Variants in SLC25A25 observed in about 807,000 individuals in gnomAD.
The protein encoded by SLC25A25 is solute carrier family 25 member 25.
A neutral mutation model predicts 57.7 loss-of-function variants in SLC25A25; 32 were observed. That is an observed-to-expected ratio of 0.55 (90% confidence interval 0.42 to 0.74). The LOEUF (loss-of-function observed/expected upper bound fraction) is 0.74, where lower values mean the gene tolerates loss of function less well. Ranked by LOEUF, SLC25A25 falls within the 30% of genes least tolerant of loss-of-function variation. The pLI, the probability that SLC25A25 is intolerant of heterozygous loss-of-function variation, is 0.00. For missense variants in SLC25A25, 556 were observed against 701.3 expected (o/e 0.79, Z 2.34); for synonymous variants, 306 against 291.2 (o/e 1.05, Z -0.52).
In SLC25A25 at chr9:128,099,881, T is replaced by C. The variant is rs139913692; in HGVS notation, c.262-1215T>C. ...CTGGCTGTCAGTTGATTTCTCCCAG[T>C]GAGAAATCCGGAGGACACAGGAAGA... On this transcript the variant is annotated intron_variant, in intron 1 of 10. Transcript: ENST00000373069. The surrounding 1 kb of genome is among the most constrained non-coding windows in gnomAD (Gnocchi z 6.8). Among the ~76,000 whole-genome samples the C allele has an allele frequency of 0.019, 2,835 of 152,202 alleles. 181 individuals are homozygous for C. Among genetic ancestry groups the C allele is most frequent in the Admixed American group, 0.13 (1,959 of 15,292 alleles).
intron 1 of SLC25A25, among the ~76,000 whole-genome samples, chr9:128,070,084 A>ATTTTT (rs71381724): frequency 0.016 from 99 of 6,366 alleles, 45 homozygotes; most frequent in East Asian, 0.042. Flanking sequence ...CACCCAGCTA[A>ATTTTT]TTTTTTTTTT....
In SLC25A25 at chr9:128,099,320, CAGA is replaced by C; in HGVS notation, c.262-1773_262-1771del. On this transcript the variant is annotated intron_variant, in intron 1 of 10. Transcript: ENST00000373069. The surrounding 1 kb of genome is among the most constrained non-coding windows in gnomAD (Gnocchi z 6.8). ...GGATTTGCAGATCCAAGGAAGGAGACAGAAGGAGGCCCAGGCCCTGTGAGGCAG... is the reference window on the plus strand; with the variant it reads ...GGATTTGCAGATCCAAGGAAGGAGACAGGAGGCCCAGGCCCTGTGAGGCAG... 2 of 1,271,764 alleles carry C rather than the reference CAGA, an allele frequency of 1.6e-6. No individual in the cohort carries two copies. The highest frequency in any genetic ancestry group is 2.0e-6 in the Non-Finnish European group (2 of 981,966). The allele number at this position is 1,271,764 out of a possible 1,614,324, so 78.8% of individuals were successfully genotyped here. A position where few individuals can be genotyped will look rare whatever the true frequency, so the allele number is the denominator to read the frequency against.
chr9:128,070,175 C>T (rs561328192), intron 1 of SLC25A25, among the ~76,000 whole-genome samples: 1 of 140,502 alleles, frequency 7.1e-6, no homozygotes, highest in East Asian at 2.4e-4. Context: ...ACTGCAAGCT[C>T]CGCCTCCGGG....
In SLC25A25 at chr9:128,103,528, A is replaced by G. The variant is rs1322566235; in HGVS notation, c.625-153A>G. Among the ~76,000 whole-genome samples the G allele has an allele frequency of 6.6e-6, 1 of 152,176 alleles. No individual in the cohort carries two copies. The highest frequency in any genetic ancestry group is 1.5e-5 in the Non-Finnish European group (1 of 68,024). ...GCTCTGCTACCTTCAGAGTGAAGGGAAAGACCCCAGCCCGCTTCCCACCCA... is the reference window on the plus strand; with the variant it reads ...GCTCTGCTACCTTCAGAGTGAAGGGGAAGACCCCAGCCCGCTTCCCACCCA... On this transcript the variant is annotated intron_variant, in intron 5 of 10. Transcript: ENST00000373069. This position sits in a 1 kb window ranked among gnomAD's most constrained non-coding sequence, Gnocchi z 6.7.
chr9:128,092,392 T>C (rs1833435294), intron 1 of SLC25A25, among the ~76,000 whole-genome samples: 1 of 152,172 alleles, frequency 6.6e-6, no homozygotes, highest in South Asian at 2.1e-4. Flanking sequence ...AGGGGCAGCC[T>C]GTGAAAGTGT....
chr9:128,070,239 C>T (rs1462929981), intron 1 of SLC25A25, among the ~76,000 whole-genome samples: 7 of 151,686 alleles, frequency 4.6e-5, no homozygotes, highest in Non-Finnish European at 8.8e-5. Flanking sequence ...TACAGGTGCC[C>T]GCCACCATGC....
chr9:128,082,469 T>C (rs905761741), intron 1 of SLC25A25, among the ~76,000 whole-genome samples: 5 of 152,110 alleles, frequency 3.3e-5, no homozygotes, highest in Non-Finnish European at 7.4e-5. Flanking sequence ...CGTTGGCTGA[T>C]TGGTTCATTC....
At chr9:128,072,263 A>G (rs1480166041) in intron 1 of SLC25A25, among the ~76,000 whole-genome samples, 3 of 152,210 alleles carry the variant, frequency 2.0e-5, no homozygotes, top group Admixed American at 6.5e-5. Flanking sequence ...GCCTACAGAA[A>G]AAGCAGTGCT....
chr9:128,077,318 G>A (rs1018119744), intron 1 of SLC25A25, among the ~76,000 whole-genome samples: 4 of 151,728 alleles, frequency 2.6e-5, no homozygotes, highest in African/African-American at 9.7e-5. Flanking sequence ...ACGAGGTCAG[G>A]GGATCGATAC....
chr9:128,077,358 A>G (rs1313465123), intron 1 of SLC25A25, among the ~76,000 whole-genome samples: 1 of 151,620 alleles, frequency 6.6e-6, no homozygotes, highest in Non-Finnish European at 1.5e-5. Flanking sequence ...TACTAAAAAT[A>G]CAAAAAAAAT....
rs1002693356 is a variant in SLC25A25, at chr9:128,100,991, T to C, written c.262-105T>C. 10 of 1,507,212 alleles carry C rather than the reference T, an allele frequency of 6.6e-6. No individual in the cohort carries two copies. The East Asian group carries it at 2.3e-4, about 35-fold the overall frequency. 93.4% of individuals were successfully genotyped at this position (1,507,212 alleles called of 1,614,324 possible). A position where few individuals can be genotyped will look rare whatever the true frequency, so the allele number is the denominator to read the frequency against. ...AGCATCTTGGGTCCTTGGGGCCAGC[T>C]CTGCTCGCAATTAGTGAAGTCATTG... On this transcript the variant is annotated intron_variant, in intron 1 of 10. Coordinates refer to ENST00000373069, the MANE Select transcript of SLC25A25 (RefSeq NM_001330988.2).
intron 1 of SLC25A25, among the ~76,000 whole-genome samples, chr9:128,080,260 A>ACC (rs1833123000): frequency 6.9e-6 from 1 of 144,754 alleles, no homozygotes; most frequent in Non-Finnish European, 1.5e-5. Context: ...CAAAAAAAAA[A>ACC]CCCACAAAAA....
intron 1 of SLC25A25, chr9:128,098,505 G>T: frequency 6.4e-7 from 1 of 1,554,222 alleles, no homozygotes; most frequent in Admixed American, 1.9e-5. Context: ...CCCGGGACCG[G>T]CAGCATTTAG....
At chr9:128,091,529 T>C (rs1374027308) in intron 1 of SLC25A25, 1 of 994,276 alleles carries the variant, frequency 1.0e-6, no homozygotes, top group Admixed American at 6.1e-5. Flanking sequence ...TCTGCTTGGC[T>C]GTCGCGTTTT....
intron 1 of SLC25A25, among the ~76,000 whole-genome samples, chr9:128,097,012 ATGT>A (rs1408463766): frequency 4.6e-5 from 7 of 152,230 alleles, no homozygotes; most frequent in Non-Finnish European, 2.9e-5. Context: ...CTGTTTCATA[ATGT>A]TGTGTGTAAG....
Position 128,107,515 on chromosome 9 carries a change from T to C in SLC25A25, c.*71T>C. On this transcript the variant is annotated 3_prime_UTR_variant, in exon 11 of 11. Coordinates refer to ENST00000373069, the MANE Select transcript of SLC25A25 (RefSeq NM_001330988.2). ...AGCCTGGGGTGTGCAGCCATCTCAT[T>C]CTGTGAATGTGCCAACACTAAGCTG... The C allele has an allele frequency of 4.8e-6, 7 of 1,470,594 alleles. No homozygotes were observed. In the Admixed American group the frequency reaches 1.7e-4, roughly 35 times the overall value. The allele number at this position is 1,470,594 out of a possible 1,614,324, so 91.1% of individuals were successfully genotyped here.
At position 128,102,677 on chromosome 9, in the gene SLC25A25, A is replaced by G. The variant is rs1588787562; in HGVS notation, c.624+196A>G. Among the ~76,000 whole-genome samples, 2 of 152,188 alleles carry G rather than the reference A, an allele frequency of 1.3e-5. No homozygotes were observed. The highest frequency in any genetic ancestry group is 1.3e-4 in the Admixed American group (2 of 15,286). ...TTCTGGCACTCCAGCCAACCTGAAC[A>G]GCCCCATCGTTCACACACACAGGCT... On this transcript the variant is annotated intron_variant, in intron 5 of 10. Coordinates refer to ENST00000373069, the MANE Select transcript of SLC25A25 (RefSeq NM_001330988.2). The surrounding 1 kb of genome is among the most constrained non-coding windows in gnomAD (Gnocchi z 4.1).
intron 1 of SLC25A25, among the ~76,000 whole-genome samples, chr9:128,073,101 G>C (rs1832940304): frequency 6.6e-6 from 1 of 152,120 alleles, no homozygotes; most frequent in East Asian, 1.9e-4. Flanking sequence ...TACTAGGGAA[G>C]GAACAATGGT....
At chr9:128,097,372 AGTGACTATGC>A (rs1285801795) in intron 1 of SLC25A25, among the ~76,000 whole-genome samples, 1 of 152,258 alleles carries the variant, frequency 6.6e-6, no homozygotes, top group Non-Finnish European at 1.5e-5. Context: ...AGAAATGCCC[AGTGACTATGC>A]GTGGCTATCC....
Sources: gnomAD v4.1 joint callset for allele counts (sites outside exome capture counted in the v4.1 genomes callset) on GRCh38, gnomAD v4.1.1 for gene constraint, Gnocchi (gnomAD v3.1) non-coding constraint, MANE v1.5 for transcripts, NCBI Gene and HGNC (gene_info 2026-07-23, HGNC 2026-07-21) for gene names.